Variants in ABI3BP observed in about 807,000 individuals in gnomAD.
ABI3BP encodes target of Nesh-SH3.
In ABI3BP, 216 loss-of-function variants were observed where a neutral mutation model predicts 268.6. The ratio of observed to expected loss-of-function variants is 0.80; its 90% CI spans 0.72 to 0.90. ABI3BP has a LOEUF of 0.90. Among genes scored for constraint, ABI3BP ranks in the 40% least tolerant of loss-of-function variants. The pLI is 0.00. For synonymous variants in ABI3BP, 730 were observed against 730.0 expected, an observed-to-expected ratio of 1.00 and a Z score of 0.00; for missense variants, 2,090 against 2,182.4, an observed-to-expected ratio of 0.96 and a Z score of 0.84.
chr3:100,756,319 G>A (rs1003883232), intron 63 of ABI3BP, among the ~76,000 whole-genome samples: 3 of 152,344 alleles, frequency 2.0e-5, no homozygotes, highest in Middle Eastern at 3.4e-3. Flanking sequence ...GAGGTCCTGA[G>A]TTTGAGACCA....
intron 59 of ABI3BP, among the ~76,000 whole-genome samples, chr3:100,777,724 T>A (rs2096747568): frequency 1.3e-5 from 2 of 152,142 alleles, no homozygotes. Flanking sequence ...AGGAGGAATG[T>A]GTGTGCCCAG....
At chr3:100,752,974 T>C in intron 65 of ABI3BP, 26 bp from the exon 66 acceptor site, 2 of 1,597,234 alleles carry the variant, frequency 1.3e-6, no homozygotes, top group South Asian at 2.2e-5. Context: ...AGTTTGAGTT[T>C]AGTATCTGAC....
intron 15 of ABI3BP, 62 bp downstream of exon 15, chr3:100,851,813 G>A: frequency 1.4e-6 from 2 of 1,406,228 alleles, no homozygotes; most frequent in Middle Eastern, 1.8e-4. Flanking sequence ...AAAACTAAAG[G>A]AAGAACCACC....
intron 15 of ABI3BP, 51 bp downstream of exon 15, chr3:100,851,824 A>G (rs2098842562): frequency 6.9e-7 from 1 of 1,459,160 alleles, no homozygotes; most frequent in Middle Eastern, 1.8e-4. Context: ...AAGAACCACC[A>G]AGTGTTGGAA....
intron 41 of ABI3BP, among the ~76,000 whole-genome samples, chr3:100,818,290 C>T (rs1018541918): frequency 2.0e-5 from 3 of 152,154 alleles, no homozygotes; most frequent in Non-Finnish European, 2.9e-5. Flanking sequence ...TGCACATGAT[C>T]GCATGACACA....
intron 20 of ABI3BP, chr3:100,844,307 G>T: frequency 1.0e-6 from 1 of 985,454 alleles, no homozygotes; most frequent in Non-Finnish European, 1.2e-6. Context: ...GAAGCTTAAA[G>T]ATTAAACCAT....
intron 30 of ABI3BP, among the ~76,000 whole-genome samples, chr3:100,832,780 A>G (rs1248219172): frequency 6.6e-6 from 1 of 152,130 alleles, no homozygotes; most frequent in Non-Finnish European, 1.5e-5. Flanking sequence ...AAAATTACAT[A>G]CAATTTGAAA....
intron 11 of ABI3BP, 178 bp downstream of exon 11, chr3:100,864,655 C>G (rs1361531584): frequency 5.2e-6 from 3 of 572,114 alleles, no homozygotes; most frequent in Non-Finnish European, 9.2e-6. Context: ...ATGTGGTTAA[C>G]TCTTCAGTGG....
chr3:100,878,087 C>T (rs564538053), intron 6 of ABI3BP, among the ~76,000 whole-genome samples: 8 of 151,978 alleles, frequency 5.3e-5, no homozygotes, highest in South Asian at 2.1e-4. Flanking sequence ...CTTAGCAATC[C>T]GGCCTAAGGA....
At chr3:100,906,402 A>C (rs2053465607) in intron 2 of ABI3BP, among the ~76,000 whole-genome samples, 1 of 152,172 alleles carries the variant, frequency 6.6e-6, no homozygotes, top group Non-Finnish European at 1.5e-5. Flanking sequence ...CAACATACAC[A>C]TATTTTGGGA....
At chr3:100,875,766 C>A (rs1350894772) in intron 7 of ABI3BP, among the ~76,000 whole-genome samples, 187 bp from the exon 8 acceptor site, 3 of 152,166 alleles carry the variant, frequency 2.0e-5, no homozygotes, top group African/African-American at 7.2e-5. Context: ...AACACCTATG[C>A]CCTTAACTAA....
intron 1 of ABI3BP, among the ~76,000 whole-genome samples, chr3:100,977,584 C>T (rs1224191226): frequency 6.6e-6 from 1 of 152,196 alleles, no homozygotes; most frequent in Non-Finnish European, 1.5e-5. Context: ...TTTCATGACA[C>T]ATCAGCTGGT....
intron 51 of ABI3BP, among the ~76,000 whole-genome samples, chr3:100,798,884 C>T (rs1011575575): frequency 6.6e-6 from 1 of 152,118 alleles, no homozygotes; most frequent in Non-Finnish European, 1.5e-5. Context: ...AATCTATACT[C>T]TCTATTCCTT....
rs541404520 is a variant in ABI3BP, at chr3:100,857,356, G to A, written c.1285+4955C>T. 7.2e-5 allele frequency among the ~76,000 whole-genome samples: 11 copies of A among 152,250 alleles called. No homozygotes were observed. The South Asian group carries it at 1.7e-3, about 23-fold the overall frequency. ...CTTTATATATTGTGCATTATATTAA[G>A]TAATTTATACATTATTTCTAAGACG... On this transcript the variant is annotated intron_variant, in intron 14 of 67. Transcript: ENST00000471714.
At chr3:100,869,581 T>C (rs1392710305) in intron 9 of ABI3BP, among the ~76,000 whole-genome samples, 1 of 152,060 alleles carries the variant, frequency 6.6e-6, no homozygotes, top group Non-Finnish European at 1.5e-5. Context: ...CTTGAACTCC[T>C]AAGCTCAAGT....
rs749494802 is a variant in ABI3BP at position 100,902,602 on chromosome 3, A to G, written c.328+16T>C. The G allele has an allele frequency of 1.9e-6, 3 of 1,611,944 alleles. No homozygotes were observed. The highest frequency in any genetic ancestry group is 8.5e-7 in the Non-Finnish European group (1 of 1,178,356). On this transcript the variant is annotated intron_variant, in intron 3 of 67. Transcript: ENST00000471714. ...AAGTTCATAAAAGAAAAAGAATTCA[A>G]TGCAAAGGACTATACCTGAACATGA...
intron 34 of ABI3BP, among the ~76,000 whole-genome samples, chr3:100,826,825 G>A (rs2098395242): frequency 6.6e-6 from 1 of 152,126 alleles, no homozygotes; most frequent in Non-Finnish European, 1.5e-5. Context: ...ATGATCTAGT[G>A]TGGAAGAAAG....
In ABI3BP at chr3:100,970,372, GC is replaced by G. The variant is rs567455486; in HGVS notation, c.79+22933del. Among the ~76,000 whole-genome samples, 616 of 152,270 alleles carry G rather than the reference GC, an allele frequency of 4.0e-3. 1 individual carries two copies. The highest frequency in any genetic ancestry group is 6.5e-3 in the Non-Finnish European group (441 of 68,022). ...ACCCCATTGGACACCTGGGGAAGTA[GC>G]TACAGTTCCTTCCAAAGGGAACACA... On this transcript the variant is annotated intron_variant, in intron 1 of 67. Coordinates refer to ENST00000471714, the MANE Select transcript of ABI3BP (RefSeq NM_001375547.2).
chr3:100,793,082 C>G (rs759397957), intron 54 of ABI3BP, among the ~76,000 whole-genome samples: 1 of 151,816 alleles, frequency 6.6e-6, no homozygotes, highest in Non-Finnish European at 1.5e-5. Context: ...CTCCTAGTTG[C>G]CTCGATGTAT....
Sources: allele counts gnomAD v4.1 joint callset (sites outside exome capture counted in the v4.1 genomes callset), GRCh38; gene constraint gnomAD v4.1.1; transcripts MANE v1.5; gene names NCBI Gene and HGNC (gene_info 2026-07-23, HGNC 2026-07-21).